The following TRRAP variants were observed in gnomAD, a reference collection of about 807,000 sequenced individuals.
TRRAP encodes transformation/transcription domain associated protein, also known as transformation/transcription domain-associated protein.
A neutral mutation model predicts 438.8 loss-of-function variants in TRRAP; 41 were observed. That is an observed-to-expected ratio of 0.09 (90% CI 0.07 to 0.12). The LOEUF is 0.12. TRRAP is among the 10% of genes least tolerant of loss of function. The probability of loss-of-function intolerance (pLI) is 1.00; values close to 1 mark genes in which losing one functional copy is unlikely to be tolerated. For synonymous variants in TRRAP, 1,994 were observed against 1,962.9 expected, an observed-to-expected ratio of 1.02 and a Z score of -0.42; for missense variants, 3,122 against 5,055.1, an observed-to-expected ratio of 0.62 and a Z score of 11.60.
intron 56 of TRRAP, 79 bp from the exon 57 acceptor site, chr7:98,978,132 T>C (rs1792753192): frequency 2.3e-6 from 3 of 1,309,510 alleles, no homozygotes; most frequent in Non-Finnish European, 3.2e-6. Context: ...AAAAACTTAG[T>C]TCTAAGTTTT....
intron 67 of TRRAP, among the ~76,000 whole-genome samples, chr7:98,996,615 T>C (rs1793671322): frequency 6.6e-6 from 1 of 152,260 alleles, no homozygotes; most frequent in African/African-American, 2.4e-5. Context: ...ATTTTAATTT[T>C]CATTTCTTAT....
At chr7:99,002,139 G>A (rs1428222609) in intron 67 of TRRAP, among the ~76,000 whole-genome samples, 3 of 130,318 alleles carry the variant, frequency 2.3e-5, no homozygotes, top group African/African-American at 8.3e-5. Context: ...GTGGGGTGGT[G>A]GGGGTGGGTG....
rs372090395 is a variant in TRRAP at position 99,012,193 on chromosome 7, A to G, written c.11460A>G (p.Gln3820=). ...AGQPENMDSQ[Q]LVSLVQKAVT... ...AGCCAGAGAACATGGACAGCCAGCA[A>G]CTGGTGTCCCTGGTTCAGAAAGCCG... Residue 3820 remains glutamine, a synonymous_variant, in exon 73 of 73, where the codon CAA becomes CAG. Transcript: ENST00000456197. The surrounding 1 kb of genome is among the most constrained non-coding windows in gnomAD (Gnocchi z 5.9). 7 of 1,614,074 alleles carry G rather than the reference A, an allele frequency of 4.3e-6. No individual in the cohort carries two copies. The highest frequency in any genetic ancestry group is 4.5e-5 in the East Asian group (2 of 44,890).
chr7:98,976,146 T>TA lies in TRRAP; in HGVS notation c.7840-2dup. ...TCTCAGCCTGTTGTCTTTCTGTTCA[T>TA]AGACTGGAGCGCTGCTCAGCGCTTT... On this transcript the variant is annotated splice_region_variant and splice_polypyrimidine_tract_variant and intron_variant, in intron 53 of 72. Transcript: ENST00000456197. This position sits in a 1 kb window ranked among gnomAD's most constrained non-coding sequence, Gnocchi z 4.6. 6.2e-7 allele frequency: 1 copy of TA among 1,613,838 alleles called. No homozygotes were observed. Among genetic ancestry groups the TA allele is most frequent in the Non-Finnish European group, 8.5e-7 (1 of 1,179,864 alleles).
intron 3 of TRRAP, among the ~76,000 whole-genome samples, chr7:98,886,101 A>G (rs1554403907): frequency 6.6e-6 from 1 of 152,160 alleles, no homozygotes; most frequent in Non-Finnish European, 1.5e-5. Context: ...CCTGGCCAAC[A>G]TGGTGAAACT....
At chr7:98,902,417 C>G (rs1796510403) in intron 11 of TRRAP, among the ~76,000 whole-genome samples, 1 of 152,096 alleles carries the variant, frequency 6.6e-6, no homozygotes, top group Non-Finnish European at 1.5e-5. Context: ...CAGTACTGAT[C>G]TATATCAATG....
chr7:98,992,352 T>C, intron 65 of TRRAP, 125 bp downstream of exon 65: 1 of 951,112 alleles, frequency 1.1e-6, no homozygotes, highest in East Asian at 2.4e-5. Context: ...GGCCAATCTC[T>C]CCTCAGTGGG....
chr7:98,985,906 T>TC (rs1353126540), intron 62 of TRRAP, among the ~76,000 whole-genome samples: 3 of 152,178 alleles, frequency 2.0e-5, no homozygotes, highest in African/African-American at 7.2e-5. Context: ...ATTTCCATCA[T>TC]CCCCCAAGTA....
At chr7:98,999,311 A>C (rs1793812211) in intron 67 of TRRAP, 1 of 1,334,054 alleles carries the variant, frequency 7.5e-7, no homozygotes, top group Admixed American at 1.7e-5. Context: ...TTATCTGCTA[A>C]GCTTGATCAA....
At chr7:98,985,525 C>T (rs219805) in intron 62 of TRRAP, among the ~76,000 whole-genome samples, 45,316 of 152,206 alleles carry the variant, frequency 0.3, 11,167 homozygotes, top group African/African-American at 0.68. Flanking sequence ...TGATAGGAAT[C>T]GTATGGTCTG....
chr7:99,008,450 G>C lies in TRRAP; in HGVS notation c.10827G>C (p.Glu3609Asp), dbSNP rs2116874073. Residue 3609 changes from glutamate to aspartate, a missense_variant, in exon 70 of 73, where the codon GAG becomes GAC. Transcript: ENST00000456197. ...EDNPSSLSLV[E>D]IYKQRCAKKG... ...ACCCCTCTTCACTTTCCCTTGTGGA[G>C]ATCTACAAGCAGCGCTGCGCCAAGA... 2 of 1,614,204 alleles carry C rather than the reference G, an allele frequency of 1.2e-6. No homozygotes were observed. Among genetic ancestry groups the C allele is most frequent in the Non-Finnish European group, 1.7e-6 (2 of 1,180,034 alleles).
In TRRAP at chr7:99,005,273, T is replaced by C. The variant is rs1324051337; in HGVS notation, c.10678T>C (p.Leu3560=). 2.5e-6 allele frequency: 4 copies of C among 1,614,064 alleles called. No homozygotes were observed. Among genetic ancestry groups the C allele is most frequent in the South Asian group, 2.2e-5 (2 of 91,064 alleles). Residue 3560 remains leucine (L), a synonymous_variant, in exon 69 of 73, where the codon TTG becomes CTG. Transcript: ENST00000456197. The surrounding 1 kb of genome is among the most constrained non-coding windows in gnomAD (Gnocchi z 5.1). ...AGAGTCACGGCGAGAGGAGCGTGTGTTGCAGCTGCTGCGTCTGCTGAACCC... is the reference window on the plus strand; with the variant it reads ...AGAGTCACGGCGAGAGGAGCGTGTGCTGCAGCTGCTGCGTCTGCTGAACCC... ...LTESRREERV[L]QLLRLLNPCL... is the part of the protein sequence containing the mutation.
chr7:98,901,961 A>G (rs1554406724), intron 11 of TRRAP, among the ~76,000 whole-genome samples: 1 of 152,234 alleles, frequency 6.6e-6, no homozygotes, highest in African/African-American at 2.4e-5. Flanking sequence ...CAATTTTAGA[A>G]TAACGTCATC....
At chr7:98,967,276 T>A (rs537127682) in intron 50 of TRRAP, 114 bp downstream of exon 50, 2 of 1,423,914 alleles carry the variant, frequency 1.4e-6, no homozygotes, top group Non-Finnish European at 1.9e-6. Flanking sequence ...TTTAAAATAT[T>A]CATTTAAATG....
chr7:98,928,605 C>T (rs1169300877), intron 23 of TRRAP, among the ~76,000 whole-genome samples: 1 of 152,178 alleles, frequency 6.6e-6, no homozygotes, highest in Non-Finnish European at 1.5e-5. Context: ...AATGCTGTGG[C>T]CGACTGTTCT....
intron 14 of TRRAP, 49 bp downstream of exon 14, chr7:98,909,011 G>C: frequency 7.1e-7 from 1 of 1,409,154 alleles, no homozygotes; most frequent in Non-Finnish European, 9.6e-7. Context: ...TATCCTGTTT[G>C]TGGCTAAATT....
At chr7:98,965,112 A>C (rs543614110) in intron 48 of TRRAP, among the ~76,000 whole-genome samples, 2 of 152,334 alleles carry the variant, frequency 1.3e-5, no homozygotes, top group East Asian at 3.9e-4. Context: ...CAACAGATTG[A>C]GACTCTCTCT....
chr7:98,894,625 T>TG (rs1796115876), intron 6 of TRRAP, among the ~76,000 whole-genome samples: 1 of 151,162 alleles, frequency 6.6e-6, no homozygotes, highest in South Asian at 2.1e-4. Flanking sequence ...CTTTTGTTGT[T>TG]TTTTTTTAGA....
chr7:98,897,888 T>A (rs1554406037), intron 8 of TRRAP, 22 bp downstream of exon 8: 2 of 1,613,220 alleles, frequency 1.2e-6, no homozygotes, highest in South Asian at 2.2e-5. Flanking sequence ...GCTGAGTTAT[T>A]TCTACCCGTG....
Sources: gnomAD v4.1 joint callset for allele counts (sites outside exome capture counted in the v4.1 genomes callset) on GRCh38, gnomAD v4.1.1 for gene constraint, Gnocchi (gnomAD v3.1) non-coding constraint, MANE v1.5 for transcripts, NCBI Gene and HGNC (gene_info 2026-07-23, HGNC 2026-07-21) for gene names.